TBC1D5: variants seen among roughly 807,000 people sequenced by gnomAD.
TBC1D5 encodes the protein TBC1 domain family member 5.
A neutral mutation model predicts 100.3 loss-of-function variants in TBC1D5; 75 were observed. The ratio of observed to expected loss-of-function variants is 0.75; its 90% CI spans 0.62 to 0.91. TBC1D5 has a LOEUF of 0.91. Among genes scored for constraint, TBC1D5 ranks in the 40% least tolerant of loss-of-function variants. The pLI, the probability that TBC1D5 is intolerant of heterozygous loss-of-function variation, is 0.00. For missense variants in TBC1D5, 910 were observed against 942.4 expected (o/e 0.97, Z 0.45); for synonymous variants, 323 against 325.6 (o/e 0.99, Z 0.09).
intron 2 of TBC1D5, among the ~76,000 whole-genome samples, chr3:17,543,547 A>G (rs1279874763): frequency 6.6e-6 from 1 of 152,138 alleles, no homozygotes; most frequent in Non-Finnish European, 1.5e-5. Flanking sequence ...CAAAGGTGGG[A>G]GGACTGATTG....
chr3:17,670,933 A>G (rs1172791090), intron 1 of TBC1D5, among the ~76,000 whole-genome samples: 4 of 152,232 alleles, frequency 2.6e-5, no homozygotes, highest in Non-Finnish European at 5.9e-5. Context: ...GGGTGTGCAG[A>G]TATCTAGCAG....
At chr3:17,667,407 A>G (rs972724323) in intron 1 of TBC1D5, among the ~76,000 whole-genome samples, 5 of 152,174 alleles carry the variant, frequency 3.3e-5, no homozygotes, top group African/African-American at 9.7e-5. Flanking sequence ...TTTTCAACGC[A>G]ATTACTTTTG....
intron 2 of TBC1D5, among the ~76,000 whole-genome samples, chr3:17,534,174 A>G (rs1282264228): frequency 2.0e-5 from 3 of 152,188 alleles, no homozygotes; most frequent in Non-Finnish European, 4.4e-5. Flanking sequence ...ACAGAATAAC[A>G]TCACTTTCAT....
At chr3:17,395,444 T>A (rs1166554795) in intron 8 of TBC1D5, among the ~76,000 whole-genome samples, 1 of 152,104 alleles carries the variant, frequency 6.6e-6, no homozygotes, top group African/African-American at 2.4e-5. Context: ...ATACAAAGCA[T>A]TACCCCTGAA....
intron 1 of TBC1D5, among the ~76,000 whole-genome samples, chr3:17,632,426 T>A (rs552264045): frequency 6.6e-5 from 10 of 152,334 alleles, no homozygotes; most frequent in Admixed American, 2.6e-4. Flanking sequence ...GGATTTAGAA[T>A]ATTCCATAAA....
intron 13 of TBC1D5, among the ~76,000 whole-genome samples, chr3:17,367,763 G>C (rs1259730957): frequency 6.6e-6 from 1 of 151,884 alleles, no homozygotes; most frequent in Non-Finnish European, 1.5e-5. Flanking sequence ...GGAGGCTGAG[G>C]CAGGATAATT....
chr3:17,222,544 T>C (rs192367681), intron 17 of TBC1D5, among the ~76,000 whole-genome samples: 127 of 152,268 alleles, frequency 8.3e-4, no homozygotes, highest in Admixed American at 6.5e-3. Flanking sequence ...CAAAACAACT[T>C]TTCCTCAGAA....
intron 15 of TBC1D5, among the ~76,000 whole-genome samples, chr3:17,259,850 C>T (rs1026190535): frequency 8.5e-5 from 13 of 152,178 alleles, no homozygotes; most frequent in Non-Finnish European, 5.9e-5. Context: ...TCAACCCTTT[C>T]ATATCTCTTC....
At chr3:17,554,099 TAAGA>T (rs1000012684) in intron 2 of TBC1D5, among the ~76,000 whole-genome samples, 1 of 152,208 alleles carries the variant, frequency 6.6e-6, no homozygotes, top group Admixed American at 6.5e-5. Context: ...CAAGGACATA[TAAGA>T]TAGAATCCCT....
At chr3:17,267,625 G>A (rs2078982928) in intron 15 of TBC1D5, among the ~76,000 whole-genome samples, 1 of 152,050 alleles carries the variant, frequency 6.6e-6, no homozygotes, top group East Asian at 1.9e-4. Context: ...CATCGAAATA[G>A]AGGCAATTTA....
exon 8 of TBC1D5, chr3:17,403,211 C>T (rs1227502764): frequency 3.1e-6 from 5 of 1,591,396 alleles, no homozygotes; most frequent in Middle Eastern, 3.3e-4. Flanking sequence ...AATCATTGAT[C>T]GAAGTTCTTT....
At chr3:17,373,117 T>C (rs2092548335) in intron 12 of TBC1D5, among the ~76,000 whole-genome samples, 1 of 152,194 alleles carries the variant, frequency 6.6e-6, no homozygotes, top group African/African-American at 2.4e-5. Context: ...TATTCTTCTT[T>C]TGACAGTTTT....
chr3:17,270,476 G>A (rs2079287707), intron 15 of TBC1D5, among the ~76,000 whole-genome samples: 1 of 152,146 alleles, frequency 6.6e-6, no homozygotes, highest in Non-Finnish European at 1.5e-5. Flanking sequence ...ACAAGAAGTA[G>A]ACTTACAGTG....
chr3:17,532,634 T>C (rs9682309), intron 2 of TBC1D5, among the ~76,000 whole-genome samples: 10,523 of 152,088 alleles, frequency 0.069, 713 homozygotes, highest in African/African-American at 0.18. Flanking sequence ...GGCACATATA[T>C]ACCATGGAAT....
At chr3:17,589,082 A>G (rs974929661) in intron 2 of TBC1D5, among the ~76,000 whole-genome samples, 9 of 152,192 alleles carry the variant, frequency 5.9e-5, no homozygotes, top group African/African-American at 2.2e-4. Context: ...AGATTCAACA[A>G]AAGGGGAAAG....
chr3:17,705,976 C>CTTTACTCTTTTTTTTT, intron 1 of TBC1D5: 3 of 1,417,254 alleles, frequency 2.1e-6, no homozygotes, highest in Non-Finnish European at 2.8e-6. Flanking sequence ...CTCAGCATTT[C>CTTTACTCTTTTTTTTT]TTTACTCTTT....
At chr3:17,210,983 A>C (rs2072911315) in intron 18 of TBC1D5, among the ~76,000 whole-genome samples, 1 of 152,204 alleles carries the variant, frequency 6.6e-6, no homozygotes, top group Non-Finnish European at 1.5e-5. Context: ...CATTAGAAAA[A>C]ATATAACATT....
rs73038609 is a variant in TBC1D5, at chr3:17,309,347, A to C, written c.996-1213T>G. The stretch of plus-strand genomic sequence containing the variant: ...TATTCACATTCTCATATTAATCAAT[A>C]GAATAATTAGATTATATTTTCAACT... On this transcript the variant is annotated intron_variant, in intron 13 of 21. Coordinates refer to ENST00000253692, the Ensembl canonical transcript of TBC1D5. Among the ~76,000 whole-genome samples, 443 of 152,158 alleles carry C rather than the reference A, an allele frequency of 2.9e-3. 1 individual carries two copies. The highest frequency in any genetic ancestry group is 3.4e-3 in the Non-Finnish European group (230 of 67,910).
intron 16 of TBC1D5, among the ~76,000 whole-genome samples, chr3:17,241,071 T>A (rs2076270146): frequency 6.6e-6 from 1 of 151,608 alleles, no homozygotes; most frequent in African/African-American, 2.4e-5. Flanking sequence ...TCTAGAAGAA[T>A]TTTTTTTTCA....
Sources: allele counts gnomAD v4.1 joint callset (sites outside exome capture counted in the v4.1 genomes callset), GRCh38; gene constraint gnomAD v4.1.1; transcripts MANE v1.5; gene names NCBI Gene and HGNC (gene_info 2026-07-23, HGNC 2026-07-21).